The following ZNF385B variants were observed in gnomAD, a reference collection of about 807,000 sequenced individuals.
ZNF385B encodes the protein zinc finger protein 385B.
Under a neutral mutation model 39.2 loss-of-function variants are expected in ZNF385B, and 23 were observed. That is an observed-to-expected ratio of 0.59 (90% CI 0.42 to 0.83). The LOEUF (loss-of-function observed/expected upper bound fraction) is 0.83. ZNF385B is among the 40% of genes least tolerant of loss of function. ZNF385B has a pLI of 0.00. For missense variants in ZNF385B, 552 were observed against 598.9 expected (o/e 0.92, Z 0.82); for synonymous variants, 205 against 222.6 (o/e 0.92, Z 0.70).
At chr2:179,696,609 TTA>T (rs1405643977) in intron 3 of ZNF385B, among the ~76,000 whole-genome samples, 3 of 152,108 alleles carry the variant, frequency 2.0e-5, no homozygotes, top group Non-Finnish European at 2.9e-5. Flanking sequence ...TAGGCTACTT[TTA>T]ATACACCTAT....
At chr2:179,733,254 A>C (rs938618212) in intron 3 of ZNF385B, among the ~76,000 whole-genome samples, 4 of 152,196 alleles carry the variant, frequency 2.6e-5, no homozygotes, top group Non-Finnish European at 4.4e-5. Context: ...CAAGGGCAAC[A>C]GGCTGGATCA....
chr2:179,753,350 A>G (rs1702801465), intron 3 of ZNF385B, among the ~76,000 whole-genome samples: 1 of 152,096 alleles, frequency 6.6e-6, no homozygotes, highest in South Asian at 2.1e-4. Context: ...GCCTTGTAGT[A>G]TAGTTTGAAG....
chr2:179,544,584 A>C (rs1211711343), intron 4 of ZNF385B, among the ~76,000 whole-genome samples: 1 of 152,250 alleles, frequency 6.6e-6, no homozygotes, highest in African/African-American at 2.4e-5. Context: ...ATTGTGCAAC[A>C]CAACAGGTGA....
chr2:179,548,049 C>A (rs979210011), intron 3 of ZNF385B, among the ~76,000 whole-genome samples: 3 of 149,486 alleles, frequency 2.0e-5, no homozygotes, highest in Admixed American at 1.3e-4. Context: ...CATAGAAATG[C>A]TACTGATTTT....
intron 3 of ZNF385B, among the ~76,000 whole-genome samples, chr2:179,594,189 T>G (rs1431127220): frequency 6.6e-6 from 1 of 152,202 alleles, no homozygotes; most frequent in African/African-American, 2.4e-5. Flanking sequence ...TAGTATAGAT[T>G]AGTAGTTCGT....
intron 1 of ZNF385B, chr2:179,860,759 G>C (rs1684984690): frequency 4.4e-6 from 2 of 453,456 alleles, no homozygotes. Context: ...AAACATAGCG[G>C]GGCACTCTCC....
intron 3 of ZNF385B, among the ~76,000 whole-genome samples, chr2:179,633,149 T>C (rs1345380671): frequency 6.6e-6 from 1 of 152,212 alleles, no homozygotes; most frequent in African/African-American, 2.4e-5. Flanking sequence ...TACCATTCCT[T>C]CTGAAACTAT....
At chr2:179,581,521 C>T (rs1206702628) in intron 3 of ZNF385B, among the ~76,000 whole-genome samples, 1 of 152,196 alleles carries the variant, frequency 6.6e-6, no homozygotes, top group Admixed American at 6.5e-5. Flanking sequence ...TAAAACGTTT[C>T]TCCTTACCTA....
At chr2:179,680,050 G>T (rs1366662773) in intron 3 of ZNF385B, among the ~76,000 whole-genome samples, 1 of 152,036 alleles carries the variant, frequency 6.6e-6, no homozygotes, top group Non-Finnish European at 1.5e-5. Flanking sequence ...TATAAAATTT[G>T]TACCATTTAC....
At position 179,737,178 on chromosome 2, in the gene ZNF385B, G is replaced by A. The variant is rs145838526; in HGVS notation, c.298+32325C>T. On this transcript the variant is annotated intron_variant, in intron 3 of 9. Transcript: ENST00000410066. ...TGACATATGAAAGCTGTTGAGTGGC[G>A]GTGTGGGGCTTGAGAGGTCTAGGTT... is the stretch of plus-strand genomic sequence containing the variant. 4.4e-4 allele frequency among the ~76,000 whole-genome samples: 67 copies of A among 152,238 alleles called. 1 individual carries two copies. In the East Asian group the frequency reaches 0.01, roughly 23 times the overall value.
chr2:179,579,770 A>C (rs549680305), intron 3 of ZNF385B, among the ~76,000 whole-genome samples: 378 of 152,276 alleles, frequency 2.5e-3, no homozygotes, highest in Non-Finnish European at 4.1e-3. Flanking sequence ...ATAACCAACA[A>C]TTTTGAACAA....
chr2:179,684,122 C>T (rs1028623133), intron 3 of ZNF385B, among the ~76,000 whole-genome samples: 1 of 152,060 alleles, frequency 6.6e-6, no homozygotes, highest in Non-Finnish European at 1.5e-5. Context: ...TTTTAGAAAC[C>T]TCCCATTTAA....
chr2:179,623,230 A>G (rs1174017053), intron 3 of ZNF385B, among the ~76,000 whole-genome samples: 1 of 152,118 alleles, frequency 6.6e-6, no homozygotes, highest in Non-Finnish European at 1.5e-5. Context: ...AGAACTCAAG[A>G]GTAAATGAAA....
intron 1 of ZNF385B, chr2:179,814,397 T>G (rs1172004564): frequency 2.5e-6 from 1 of 408,152 alleles, no homozygotes; most frequent in East Asian, 6.7e-5. Flanking sequence ...ACAGCATCAT[T>G]GAGAAGGTTA....
chr2:179,779,899 T>A (rs1294876815), intron 1 of ZNF385B, among the ~76,000 whole-genome samples: 1 of 150,124 alleles, frequency 6.7e-6, no homozygotes, highest in East Asian at 1.9e-4. Context: ...GTTTATATAT[T>A]TTTTTATTCA....
At chr2:179,749,860 T>A (rs927545237) in intron 3 of ZNF385B, among the ~76,000 whole-genome samples, 7 of 152,122 alleles carry the variant, frequency 4.6e-5, no homozygotes, top group Admixed American at 4.6e-4. Flanking sequence ...GACTTAATAT[T>A]AAGCAACTCT....
chr2:179,775,639 T>A (rs1446717079), intron 1 of ZNF385B, among the ~76,000 whole-genome samples: 2 of 152,208 alleles, frequency 1.3e-5, no homozygotes, highest in Non-Finnish European at 2.9e-5. Flanking sequence ...AACTGACATT[T>A]AAATGTTTCT....
At chr2:179,518,414 C>T in intron 5 of ZNF385B, 114 bp downstream of exon 5, 1 of 741,802 alleles carries the variant, frequency 1.3e-6, no homozygotes, top group Non-Finnish European at 2.2e-6. Context: ...AATTAGTGGG[C>T]TACCAATAGG....
chr2:179,447,490 T>A (rs2049621513), intron 6 of ZNF385B, among the ~76,000 whole-genome samples: 1 of 152,186 alleles, frequency 6.6e-6, no homozygotes, highest in African/African-American at 2.4e-5. Flanking sequence ...ATGCTTATAA[T>A]CCTCAAGGCC....
Sources: gnomAD v4.1 joint callset for allele counts (sites outside exome capture counted in the v4.1 genomes callset) on GRCh38, gnomAD v4.1.1 for gene constraint, MANE v1.5 for transcripts, NCBI Gene and HGNC (gene_info 2026-07-23, HGNC 2026-07-21) for gene names.